The following KCNIP3 variants were observed in gnomAD, a reference collection of about 807,000 sequenced individuals.
KCNIP3 encodes potassium voltage-gated channel interacting protein 3, also known as calsenilin.
A neutral mutation model predicts 35.0 loss-of-function variants in KCNIP3; 28 were observed. The observed-to-expected ratio is 0.80, with a 90% confidence interval of 0.59 to 1.10. KCNIP3 has a LOEUF of 1.10. Among genes scored for constraint, KCNIP3 ranks in the 50% least tolerant of loss-of-function variants. The pLI, the probability that KCNIP3 is intolerant of heterozygous loss-of-function variation, is 0.00. For synonymous variants in KCNIP3, 134 were observed against 133.8 expected, an observed-to-expected ratio of 1.00 and a Z score of -0.01; for missense variants, 295 against 338.4, an observed-to-expected ratio of 0.87 and a Z score of 1.01.
At chr2:95,352,275 G>A (rs1021121009) in intron 2 of KCNIP3, among the ~76,000 whole-genome samples, 1 of 152,122 alleles carries the variant, frequency 6.6e-6, no homozygotes, top group Non-Finnish European at 1.5e-5. Flanking sequence ...GAAGTGGGTA[G>A]GACAGAAAGG....
In KCNIP3 at chr2:95,376,020, G is replaced by A. The variant is rs1680177288; in HGVS notation, c.447+812G>A. ...TAATAACTTGTCGATAAGCTGCGCG[G>A]GTTATTTTTATGCCGCAAGCCCGCC... On this transcript the variant is annotated intron_variant, in intron 5 of 8. Coordinates refer to ENST00000295225, the MANE Select transcript of KCNIP3 (RefSeq NM_013434.5). This position sits in a 1 kb window ranked among gnomAD's most constrained non-coding sequence, Gnocchi z 4.2. Among the ~76,000 whole-genome samples the A allele has an allele frequency of 6.6e-6, 1 of 152,182 alleles. No individual in the cohort carries two copies. Among genetic ancestry groups the A allele is most frequent in the South Asian group, 2.1e-4 (1 of 4,834 alleles).
chr2:95,344,732 G>A (rs1381554228), intron 2 of KCNIP3, among the ~76,000 whole-genome samples: 1 of 152,182 alleles, frequency 6.6e-6, no homozygotes, highest in Admixed American at 6.5e-5. Context: ...AGCTCTGAGG[G>A]TGCATTGTAG....
rs35658670 is a variant in KCNIP3 at position 95,374,897 on chromosome 2, C to T, written c.356C>T (p.Ala119Val). 951 of 1,614,054 alleles carry T rather than the reference C, an allele frequency of 5.9e-4. 5 individuals are homozygous for T. The African/African-American group carries it at 0.011, about 18-fold the overall frequency. Reference sequence around the variant, plus strand: ...GAAGACACCTTCAAACTCATTTACGCGCAGTTCTTCCCTCAGGGAGGTGAG... The same window carrying T: ...GAAGACACCTTCAAACTCATTTACGTGCAGTTCTTCCCTCAGGGAGGTGAG... ...VDEDTFKLIY[A>V]QFFPQGDATT... The change falls in exon 4 of 9, where the codon GCG becomes GTG. Residue 119 changes from alanine (A) to valine (V), a missense_variant. Transcript: ENST00000295225.
chr2:95,382,537 C>A lies in KCNIP3; in HGVS notation c.660+56C>A. On this transcript the variant is annotated intron_variant, in intron 7 of 8. Transcript: ENST00000295225. The surrounding 1 kb of genome is among the most constrained non-coding windows in gnomAD (Gnocchi z 4.5). ...GGAGCCTGGCAGAGGAAGGGGCTCT[C>A]GCTTTTGGGGCCACCCCGGGCAAGT... The A allele has an allele frequency of 7.4e-7, 1 of 1,353,764 alleles. No individual in the cohort carries two copies. The highest frequency in any genetic ancestry group is 1.0e-6 in the Non-Finnish European group (1 of 978,678). 83.9% of individuals were successfully genotyped at this position (1,353,764 alleles called of 1,614,324 possible).
intron 2 of KCNIP3, among the ~76,000 whole-genome samples, chr2:95,372,396 G>A (rs1680061789): frequency 6.6e-6 from 1 of 152,210 alleles, no homozygotes. Flanking sequence ...CTGGGCAGGG[G>A]AAGAGTCTAT....
At chr2:95,354,633 G>A (rs1224945090) in intron 2 of KCNIP3, among the ~76,000 whole-genome samples, 4 of 152,210 alleles carry the variant, frequency 2.6e-5, no homozygotes, top group South Asian at 2.1e-4. Context: ...TGCCCTCTGC[G>A]CACTTGCCCT....
At chr2:95,374,229 C>T (rs928371821) in intron 2 of KCNIP3, 67 bp from the exon 3 acceptor site, 2 of 1,578,640 alleles carry the variant, frequency 1.3e-6, no homozygotes, top group African/African-American at 2.7e-5. Context: ...ATGCCCTGGC[C>T]ACACTGGAGC....
At chr2:95,309,439 T>TC (rs1233771164) in intron 1 of KCNIP3, among the ~76,000 whole-genome samples, 1 of 151,330 alleles carries the variant, frequency 6.6e-6, no homozygotes, top group Non-Finnish European at 1.5e-5. Flanking sequence ...TTTTTTTTTT[T>TC]TTTTGAGACA....
At chr2:95,325,722 T>A (rs1209612222) in intron 2 of KCNIP3, among the ~76,000 whole-genome samples, 1 of 146,608 alleles carries the variant, frequency 6.8e-6, no homozygotes, top group Non-Finnish European at 1.5e-5. Context: ...GTCATACACT[T>A]ATACACATAC....
rs1677909914 is a variant in KCNIP3 at position 95,297,805 on chromosome 2, G to T, written c.15+352G>T. Among the ~76,000 whole-genome samples the T allele has an allele frequency of 2.6e-5, 4 of 152,172 alleles. No individual in the cohort carries two copies. In the South Asian group the frequency reaches 8.3e-4, roughly 32 times the overall value. On this transcript the variant is annotated intron_variant, in intron 1 of 8. Coordinates refer to ENST00000295225, the MANE Select transcript of KCNIP3 (RefSeq NM_013434.5). Reference sequence around the variant, plus strand: ...GTCAGCCCACGACTCATCCTGCTCAGTTAGGTCCCTGGGTCAGGTGCCAGC... The same window carrying T: ...GTCAGCCCACGACTCATCCTGCTCATTTAGGTCCCTGGGTCAGGTGCCAGC...
chr2:95,382,281 T>A lies in KCNIP3; in HGVS notation c.556-96T>A. The A allele has an allele frequency of 1.5e-6, 1 of 680,338 alleles. No individual in the cohort carries two copies. 42.1% of individuals were successfully genotyped at this position (680,338 alleles called of 1,614,324 possible). Reference sequence around the variant, plus strand: ...GTCCGGCCCCTCGCACTCACTGCCTTGGAGGTGCCCTGCACCCTTGGATGC... The same window carrying A: ...GTCCGGCCCCTCGCACTCACTGCCTAGGAGGTGCCCTGCACCCTTGGATGC... On this transcript the variant is annotated intron_variant, in intron 6 of 8. Transcript: ENST00000295225. This position sits in a 1 kb window ranked among gnomAD's most constrained non-coding sequence, Gnocchi z 4.5.
chr2:95,347,665 C>G (rs1434202975), intron 2 of KCNIP3, among the ~76,000 whole-genome samples: 2 of 152,262 alleles, frequency 1.3e-5, no homozygotes, highest in African/African-American at 2.4e-5. Flanking sequence ...ACTGAGGAGA[C>G]AGACCCACAC....
intron 2 of KCNIP3, among the ~76,000 whole-genome samples, chr2:95,320,332 G>A (rs1678561885): frequency 1.3e-5 from 2 of 152,276 alleles, no homozygotes; most frequent in South Asian, 2.1e-4. Context: ...AGTACTCAGG[G>A]AATCCTTTCC....
rs1184057270 is a variant in KCNIP3, at chr2:95,314,576, A to T, written c.181+4056A>T. On this transcript the variant is annotated intron_variant, in intron 2 of 8. Transcript: ENST00000295225. ...GGCAGTGTTGCTAGGCTCCCTGGAG[A>T]ATTCACTGGATTTGAAGCAGAGTCC... 3.9e-5 allele frequency among the ~76,000 whole-genome samples: 6 copies of T among 152,258 alleles called. No homozygotes were observed. The East Asian group carries it at 1.2e-3, about 29-fold the overall frequency.
At chr2:95,307,370 C>T (rs1328598679) in intron 1 of KCNIP3, among the ~76,000 whole-genome samples, 3 of 152,232 alleles carry the variant, frequency 2.0e-5, no homozygotes, top group Admixed American at 1.3e-4. Context: ...GAAACAGCCT[C>T]AGCAGCAAAG....
rs1680218857 is a variant in KCNIP3, at chr2:95,377,076, G to C, written c.447+1868G>C. Reference sequence around the variant, plus strand: ...CACACCCCACCTTGGAGTGGCTCCTGCTCCCATCCCCACGGACCTTCTGGG... The same window carrying C: ...CACACCCCACCTTGGAGTGGCTCCTCCTCCCATCCCCACGGACCTTCTGGG... On this transcript the variant is annotated intron_variant, in intron 5 of 8. Coordinates refer to ENST00000295225, the MANE Select transcript of KCNIP3 (RefSeq NM_013434.5). This position sits in a 1 kb window ranked among gnomAD's most constrained non-coding sequence, Gnocchi z 4.7. 6.6e-6 allele frequency among the ~76,000 whole-genome samples: 1 copy of C among 152,352 alleles called. No homozygotes were observed. The highest frequency in any genetic ancestry group is 2.1e-4 in the South Asian group (1 of 4,822).
chr2:95,340,094 T>C (rs563907323), intron 2 of KCNIP3, among the ~76,000 whole-genome samples: 2 of 152,198 alleles, frequency 1.3e-5, no homozygotes, highest in Non-Finnish European at 2.9e-5. Flanking sequence ...TCACAGCACT[T>C]TGGGATGCTG....
chr2:95,325,416 G>A (rs1224675930), intron 2 of KCNIP3, among the ~76,000 whole-genome samples: 1 of 152,196 alleles, frequency 6.6e-6, no homozygotes, highest in East Asian at 1.9e-4. Context: ...GTCAGGGGAC[G>A]TCCCAGCAGC....
In KCNIP3 at chr2:95,379,644, T is replaced by G. The variant is rs530337390; in HGVS notation, c.448-1952T>G. ...TTTGAGCACCTGGGAGTGTCTTTATTCTGTTTTTACTCTTGCTTGATCCAT... is the reference window on the plus strand; with the variant it reads ...TTTGAGCACCTGGGAGTGTCTTTATGCTGTTTTTACTCTTGCTTGATCCAT... On this transcript the variant is annotated intron_variant, in intron 5 of 8. Transcript: ENST00000295225. Among the ~76,000 whole-genome samples the G allele has an allele frequency of 2.6e-5, 4 of 152,322 alleles. No individual in the cohort carries two copies. In the East Asian group the frequency reaches 7.7e-4, roughly 29 times the overall value.
Sources: allele counts gnomAD v4.1 joint callset (sites outside exome capture counted in the v4.1 genomes callset), GRCh38; gene constraint gnomAD v4.1.1; non-coding constraint Gnocchi (gnomAD v3.1); transcripts MANE v1.5; gene names NCBI Gene and HGNC (gene_info 2026-07-23, HGNC 2026-07-21).